Variants in SNX2 observed in about 807,000 individuals in gnomAD.
SNX2 encodes the protein sorting nexin-2.
A neutral mutation model predicts 69.9 loss-of-function variants in SNX2; 25 were observed. The observed-to-expected ratio is 0.36, with a 90% confidence interval of 0.26 to 0.50. The LOEUF is 0.50. Among genes scored for constraint, SNX2 ranks in the 20% least tolerant of loss-of-function variants. The pLI, the probability that SNX2 is intolerant of heterozygous loss-of-function variation, is 0.97. For synonymous variants in SNX2, 229 were observed against 200.4 expected (o/e 1.14, Z -1.20); for missense variants, 551 against 613.3 (o/e 0.90, Z 1.07).
chr5:122,803,259 A>G (rs1477445202), intron 5 of SNX2, among the ~76,000 whole-genome samples: 3 of 152,182 alleles, frequency 2.0e-5, no homozygotes, highest in Non-Finnish European at 4.4e-5. Context: ...AGATAGAATA[A>G]TGCAAATACT....
intron 1 of SNX2, among the ~76,000 whole-genome samples, chr5:122,781,140 G>T (rs1439882347): frequency 6.6e-6 from 1 of 152,114 alleles, no homozygotes; most frequent in Non-Finnish European, 1.5e-5. Context: ...AGTTGCTTGC[G>T]ACAGGGATGC....
At chr5:122,824,063 A>G (rs1354924283) in intron 11 of SNX2, among the ~76,000 whole-genome samples, 4 of 151,950 alleles carry the variant, frequency 2.6e-5, no homozygotes, top group Non-Finnish European at 5.9e-5. Flanking sequence ...TTAGCTGGGC[A>G]TGGTGGCGGG....
intron 1 of SNX2, among the ~76,000 whole-genome samples, chr5:122,782,482 G>A (rs771801994): frequency 1.3e-5 from 2 of 151,932 alleles, no homozygotes; most frequent in South Asian, 2.1e-4. Flanking sequence ...CAGGCAGTTC[G>A]CCCTTCTCAG....
At chr5:122,811,580 C>G (rs1484639258) in intron 7 of SNX2, among the ~76,000 whole-genome samples, 2 of 151,920 alleles carry the variant, frequency 1.3e-5, no homozygotes, top group Non-Finnish European at 2.9e-5. Context: ...ACCTGTAATC[C>G]CAGCACTTTG....
chr5:122,793,919 A>ACC (rs1753309349), intron 1 of SNX2, among the ~76,000 whole-genome samples: 7 of 151,054 alleles, frequency 4.6e-5, no homozygotes, highest in African/African-American at 9.7e-5. Flanking sequence ...GTCCCCCCAA[A>ACC]AAAAAAAAAA....
intron 12 of SNX2, 137 bp downstream of exon 12, chr5:122,826,330 CTTTAA>C: frequency 1.4e-6 from 1 of 693,242 alleles, no homozygotes; most frequent in Non-Finnish European, 2.2e-6. Flanking sequence ...GTTAGAATTA[CTTTAA>C]CATTTTGATC....
chr5:122,784,499 T>C (rs1753039294), intron 1 of SNX2, among the ~76,000 whole-genome samples: 1 of 152,054 alleles, frequency 6.6e-6, no homozygotes, highest in Non-Finnish European at 1.5e-5. Context: ...AGTTAGATTA[T>C]ATTGATTTTT....
chr5:122,806,296 T>C (rs938168679), intron 6 of SNX2, among the ~76,000 whole-genome samples: 2 of 152,084 alleles, frequency 1.3e-5, no homozygotes, highest in African/African-American at 4.8e-5. Context: ...TTCTTCAAAG[T>C]ATGGTGAAGT....
At chr5:122,827,702 C>A in intron 14 of SNX2, 56 bp downstream of exon 14, 1 of 1,276,782 alleles carries the variant, frequency 7.8e-7, no homozygotes. Context: ...GGTATACTTT[C>A]TTATTTTAAA....
At chr5:122,806,142 G>GCACACGCACGCACACACACACACACA (rs1554063176) in intron 6 of SNX2, among the ~76,000 whole-genome samples, 1 of 130,584 alleles carries the variant, frequency 7.7e-6, no homozygotes, top group Non-Finnish European at 1.6e-5. Flanking sequence ...ACACGCGCGC[G>GCACACGCACGCACACACACACACACA]CACACACACA....
rs376912042 is a variant in SNX2, at chr5:122,811,825, CTAAATAAA to C, written c.722+3499_722+3506del. The stretch of plus-strand genomic sequence containing the variant: ...CTGTCGACAGAGTGAGACTCCGTCT[CTAAATAAA>C]TAAATAAATAAATAAATAAATAAAT... On this transcript the variant is annotated intron_variant, in intron 7 of 14. Transcript: ENST00000379516. Among the ~76,000 whole-genome samples, 607 of 132,014 alleles carry C rather than the reference CTAAATAAA, an allele frequency of 4.6e-3. 6 individuals carry two copies. Among genetic ancestry groups the C allele is most frequent in the African/African-American group, 0.015 (556 of 36,190 alleles). 86.6% of individuals were successfully genotyped at this position (132,014 alleles called of 152,430 possible).
intron 6 of SNX2, among the ~76,000 whole-genome samples, chr5:122,804,231 A>G: frequency 6.6e-6 from 1 of 152,264 alleles, no homozygotes; most frequent in Middle Eastern, 3.4e-3. Context: ...GAGAATACTT[A>G]ATATTATTAA....
intron 2 of SNX2, among the ~76,000 whole-genome samples, chr5:122,796,214 T>C (rs1753372386): frequency 6.6e-6 from 1 of 152,090 alleles, no homozygotes; most frequent in Non-Finnish European, 1.5e-5. Flanking sequence ...TATTGGCACA[T>C]TACCCATCTC....
intron 7 of SNX2, 45 bp downstream of exon 7, chr5:122,808,400 T>C: frequency 7.5e-7 from 1 of 1,335,596 alleles, no homozygotes; most frequent in Non-Finnish European, 1.0e-6. Flanking sequence ...GTTTGTACCT[T>C]AATATAAATG....
intron 1 of SNX2, among the ~76,000 whole-genome samples, chr5:122,780,119 A>G (rs1455651497): frequency 1.3e-5 from 2 of 152,226 alleles, no homozygotes; most frequent in Non-Finnish European, 2.9e-5. Context: ...ATATCAGTGA[A>G]GATAGCATTA....
intron 1 of SNX2, among the ~76,000 whole-genome samples, chr5:122,788,758 T>TA (rs1488828734): frequency 2.0e-5 from 3 of 152,210 alleles, no homozygotes; most frequent in African/African-American, 7.2e-5. Context: ...CTTCTTTTTG[T>TA]AGCAGCTTTC....
At position 122,775,200 on chromosome 5, in the gene SNX2, T is replaced by G. The variant is rs775575359; in HGVS notation, c.97T>G (p.Ser33Ala). ...AGAGGACCTGTTCACCAGCACTGTC[T>G]CCACCCTAGAGGTGAGACCGCGTCG... Reference protein sequence around the residue: ...DGEDLFTSTVSTLESSPSSPE... With the variant: ...DGEDLFTSTVATLESSPSSPE... The change falls in exon 1 of 15, where the codon TCC becomes GCC. Residue 33 changes from serine to alanine, a missense_variant. Transcript: ENST00000379516. 3.2e-6 allele frequency: 5 copies of G among 1,579,316 alleles called. 1 individual carries two copies. In the South Asian group the frequency reaches 5.8e-5, roughly 18 times the overall value.
At chr5:122,803,186 T>A (rs781550732) in intron 5 of SNX2, among the ~76,000 whole-genome samples, 3 of 152,166 alleles carry the variant, frequency 2.0e-5, no homozygotes, top group Non-Finnish European at 2.9e-5. Context: ...CTTTGTAAGA[T>A]ATCTGGGCCA....
chr5:122,792,840 A>T (rs1472169758), intron 1 of SNX2, among the ~76,000 whole-genome samples: 1 of 152,232 alleles, frequency 6.6e-6, no homozygotes, highest in Non-Finnish European at 1.5e-5. Flanking sequence ...CTCTTCACAA[A>T]AGGATATCTA....
Sources: gnomAD v4.1 joint callset for allele counts (sites outside exome capture counted in the v4.1 genomes callset) on GRCh38, gnomAD v4.1.1 for gene constraint, MANE v1.5 for transcripts, NCBI Gene and HGNC (gene_info 2026-07-23, HGNC 2026-07-21) for gene names.